The following HPSE2 variants were observed in gnomAD, a reference collection of about 807,000 sequenced individuals.
HPSE2 encodes the protein heparanase 2 (inactive), also known as inactive heparanase-2.
A neutral mutation model predicts 60.5 loss-of-function variants in HPSE2; 38 were observed. That is an observed-to-expected ratio of 0.63 (90% CI 0.48 to 0.82). HPSE2 has a LOEUF of 0.82. Among genes scored for constraint, HPSE2 ranks in the 40% least tolerant of loss-of-function variants. The probability of loss-of-function intolerance (pLI) is 0.00; values close to 1 mark genes in which losing one functional copy is unlikely to be tolerated. For missense variants in HPSE2, 713 were observed against 740.4 expected, an observed-to-expected ratio of 0.96 and a Z score of 0.43; for synonymous variants, 295 against 293.2, an observed-to-expected ratio of 1.01 and a Z score of -0.06.
intron 9 of HPSE2, among the ~76,000 whole-genome samples, chr10:98,551,554 G>A (rs1289595739): frequency 6.6e-6 from 1 of 152,130 alleles, no homozygotes; most frequent in African/African-American, 2.4e-5. Flanking sequence ...TCTCTCTCTG[G>A]AATCAGAGAC....
chr10:99,064,144 A>G (rs1253318006), intron 3 of HPSE2, among the ~76,000 whole-genome samples: 1 of 152,328 alleles, frequency 6.6e-6, no homozygotes, highest in East Asian at 1.9e-4. Flanking sequence ...ACAGCTGCTA[A>G]TGATATCTAT....
At chr10:99,093,291 A>G (rs764992561) in intron 3 of HPSE2, among the ~76,000 whole-genome samples, 4 of 152,058 alleles carry the variant, frequency 2.6e-5, no homozygotes, top group Admixed American at 1.3e-4. Context: ...TTAACTAGCT[A>G]TCAATCATAA....
chr10:98,815,955 C>T (rs566170423), intron 3 of HPSE2, among the ~76,000 whole-genome samples: 13 of 143,876 alleles, frequency 9.0e-5, no homozygotes, highest in East Asian at 6.4e-4. Flanking sequence ...CATGTTCTCA[C>T]TCATAGGTGG....
At chr10:98,637,621 C>T (rs76612434) in intron 7 of HPSE2, among the ~76,000 whole-genome samples, 41 of 152,248 alleles carry the variant, frequency 2.7e-4, no homozygotes, top group African/African-American at 9.4e-4. Context: ...TATACTTAAG[C>T]CAGGCCATCA....
chr10:98,606,571 C>T (rs1292759891), intron 9 of HPSE2, among the ~76,000 whole-genome samples: 3 of 152,148 alleles, frequency 2.0e-5, no homozygotes, highest in East Asian at 1.9e-4. Flanking sequence ...GGTCTTCTGC[C>T]GTCAAATTTA....
intron 10 of HPSE2, 48 bp from the exon 11 acceptor site, chr10:98,482,830 AG>A: frequency 6.3e-7 from 1 of 1,593,544 alleles, no homozygotes; most frequent in Non-Finnish European, 8.6e-7. Flanking sequence ...CAAAGTGGTC[AG>A]TTAGATGCTT....
chr10:99,172,691 A>C (rs892511225), intron 2 of HPSE2, among the ~76,000 whole-genome samples: 2 of 152,172 alleles, frequency 1.3e-5, no homozygotes, highest in Non-Finnish European at 2.9e-5. Flanking sequence ...CAGCCTGGCC[A>C]ACGCGGTGAA....
the HPSE2 span, among the ~76,000 whole-genome samples, chr10:99,280,321 G>A: frequency 6.6e-6 from 1 of 152,178 alleles, no homozygotes; most frequent in Admixed American, 6.5e-5. Flanking sequence ...GTTGAAGAGA[G>A]AGGTCTGGCC....
At chr10:98,506,124 T>C (rs74156622) in intron 9 of HPSE2, among the ~76,000 whole-genome samples, 4,361 of 152,214 alleles carry the variant, frequency 0.029, 225 homozygotes, top group African/African-American at 0.098. Flanking sequence ...TTTTTATCTA[T>C]AAAGATGAAA....
chr10:98,657,191 G>A (rs1947092450), intron 6 of HPSE2, among the ~76,000 whole-genome samples: 1 of 142,214 alleles, frequency 7.0e-6, no homozygotes, highest in Non-Finnish European at 1.5e-5. Flanking sequence ...GTAACCAGAA[G>A]AGAGGTTGAG....
intron 3 of HPSE2, among the ~76,000 whole-genome samples, chr10:99,072,027 T>G (rs200102020): frequency 2.7e-5 from 1 of 37,242 alleles, no homozygotes; most frequent in Admixed American, 2.9e-4. Context: ...CTTTGTTTGT[T>G]TTTTTTTTTT....
At chr10:98,837,859 G>A (rs1951826667) in intron 3 of HPSE2, among the ~76,000 whole-genome samples, 3 of 147,676 alleles carry the variant, frequency 2.0e-5, no homozygotes, top group African/African-American at 2.5e-5. Context: ...GGGCGACAGA[G>A]CGAGACTCCA....
At chr10:99,043,449 C>G (rs1180946117) in intron 3 of HPSE2, among the ~76,000 whole-genome samples, 4 of 152,156 alleles carry the variant, frequency 2.6e-5, no homozygotes, top group African/African-American at 9.7e-5. Flanking sequence ...TGAGATTGCA[C>G]CACTGCATTC....
chr10:99,200,674 A>AATG (rs10658133), intron 2 of HPSE2, among the ~76,000 whole-genome samples: 82,420 of 151,628 alleles, frequency 0.54, 24,165 homozygotes, highest in East Asian at 0.65. Context: ...TCAATAATAA[A>AATG]ATGATGACAA....
intron 3 of HPSE2, among the ~76,000 whole-genome samples, chr10:99,092,061 G>A (rs1398594642): frequency 1.3e-5 from 2 of 152,042 alleles, no homozygotes; most frequent in South Asian, 2.1e-4. Context: ...AAAACAGGGA[G>A]GAAAAGAGTT....
chr10:99,155,401 A>G (rs1461261475), intron 2 of HPSE2, among the ~76,000 whole-genome samples: 3 of 148,550 alleles, frequency 2.0e-5, no homozygotes, highest in African/African-American at 4.9e-5. Context: ...ATAACAAACT[A>G]TCTCTCAGAC....
chr10:99,314,104 A>G, the HPSE2 span, among the ~76,000 whole-genome samples: 1 of 152,194 alleles, frequency 6.6e-6, no homozygotes, highest in African/African-American at 2.4e-5. Context: ...CTCCACCAGC[A>G]AAAAGATTAT....
Position 98,576,383 on chromosome 10 carries a change from TTAATA to T in HPSE2, c.1320+38516_1320+38520del, listed in dbSNP as rs1002795881. ...GAAATAAAAAGCGACTCAATACAGT[TTAATA>T]TCTTTTTTTGGAAGAAACAGAAAAT... is the stretch of plus-strand genomic sequence containing the variant. On this transcript the variant is annotated intron_variant, in intron 9 of 11. Coordinates refer to ENST00000370552, the MANE Select transcript of HPSE2 (RefSeq NM_021828.5). 7.2e-5 allele frequency among the ~76,000 whole-genome samples: 11 copies of T among 151,818 alleles called. No individual in the cohort carries two copies. The South Asian group carries it at 1.3e-3, about 17-fold the overall frequency.
At chr10:98,607,094 C>T (rs1414258841) in intron 9 of HPSE2, among the ~76,000 whole-genome samples, 3 of 140,512 alleles carry the variant, frequency 2.1e-5, no homozygotes, top group Admixed American at 1.4e-4. Flanking sequence ...TCCCTCCCTC[C>T]CTCTCTCCCT....
Sources: gnomAD v4.1 joint callset for allele counts (sites outside exome capture counted in the v4.1 genomes callset) on GRCh38, gnomAD v4.1.1 for gene constraint, MANE v1.5 for transcripts, NCBI Gene and HGNC (gene_info 2026-07-23, HGNC 2026-07-21) for gene names.